The following GRM7 variants were observed in gnomAD, a reference collection of about 807,000 sequenced individuals.
The protein encoded by GRM7 is metabotropic glutamate receptor 7.
In GRM7, 35 loss-of-function variants were observed where a neutral mutation model predicts 84.5. That is an observed-to-expected ratio of 0.41 (90% CI 0.32 to 0.55). The LOEUF (loss-of-function observed/expected upper bound fraction) is 0.55. GRM7 is among the 20% of genes least tolerant of loss of function. The probability of loss-of-function intolerance (pLI) is 0.19; values close to 1 mark genes in which losing one functional copy is unlikely to be tolerated. For missense variants in GRM7, 1,003 were observed against 1,194.6 expected (o/e 0.84, Z 2.36); for synonymous variants, 487 against 455.1 (o/e 1.07, Z -0.89).
chr3:7,639,114 G>A (rs905050248), intron 8 of GRM7, among the ~76,000 whole-genome samples: 6 of 152,050 alleles, frequency 3.9e-5, no homozygotes, highest in Admixed American at 6.6e-5. Context: ...CAGACAACTC[G>A]AAGACAATCC....
At chr3:7,363,935 C>T (rs1417898503) in intron 4 of GRM7, among the ~76,000 whole-genome samples, 2 of 151,874 alleles carry the variant, frequency 1.3e-5, no homozygotes, top group Non-Finnish European at 2.9e-5. Context: ...CATTCTTTGT[C>T]AATTTTTCTG....
At chr3:7,317,344 T>C (rs1354805090) in intron 4 of GRM7, among the ~76,000 whole-genome samples, 1 of 152,094 alleles carries the variant, frequency 6.6e-6, no homozygotes, top group African/African-American at 2.4e-5. Flanking sequence ...CTTCGAAGAA[T>C]AGGCCATTGT....
chr3:7,066,059 G>A (rs776848699), intron 1 of GRM7, among the ~76,000 whole-genome samples: 2 of 151,598 alleles, frequency 1.3e-5, no homozygotes, highest in African/African-American at 2.4e-5. Context: ...AGCCCTAAAC[G>A]TCTACATCAA....
At chr3:7,049,257 C>T (rs899158188) in intron 1 of GRM7, among the ~76,000 whole-genome samples, 7 of 151,886 alleles carry the variant, frequency 4.6e-5, no homozygotes, top group Admixed American at 1.3e-4. Context: ...CCCAAGACTG[C>T]GCAATTTAGA....
chr3:7,422,604 A>G (rs1696442504), intron 5 of GRM7, among the ~76,000 whole-genome samples: 1 of 152,128 alleles, frequency 6.6e-6, no homozygotes, highest in African/African-American at 2.4e-5. Flanking sequence ...ATTTAGATCC[A>G]TTCATATCCT....
At chr3:7,036,222 GATAAAT>G (rs1384515602) in intron 1 of GRM7, among the ~76,000 whole-genome samples, 3 of 152,174 alleles carry the variant, frequency 2.0e-5, no homozygotes, top group Non-Finnish European at 2.9e-5. Context: ...AAGAGAGGCT[GATAAAT>G]GAATCATGGC....
intron 8 of GRM7, among the ~76,000 whole-genome samples, chr3:7,645,958 AG>A (rs1322710832): frequency 6.6e-6 from 1 of 152,202 alleles, no homozygotes; most frequent in African/African-American, 2.4e-5. Flanking sequence ...TGTTTTAATC[AG>A]AAGGACTTTT....
intron 2 of GRM7, among the ~76,000 whole-genome samples, chr3:7,220,167 C>A (rs528350766): frequency 6.6e-6 from 1 of 152,156 alleles, no homozygotes; most frequent in Non-Finnish European, 1.5e-5. Flanking sequence ...GTTACAGCAT[C>A]ATTTCTCAAT....
chr3:7,537,490 C>T (rs764415579), intron 7 of GRM7, among the ~76,000 whole-genome samples: 7 of 152,120 alleles, frequency 4.6e-5, no homozygotes, highest in East Asian at 1.9e-4. Flanking sequence ...GAAAATCTTC[C>T]GAAAATAAAT....
chr3:7,684,366 A>G (rs1700497325), intron 9 of GRM7, among the ~76,000 whole-genome samples: 1 of 152,232 alleles, frequency 6.6e-6, no homozygotes, highest in South Asian at 2.1e-4. Context: ...TCTGAGAGGA[A>G]GTAGAGTTTA....
rs749431212 is a variant in GRM7, at chr3:6,964,417, T to TTACG, written c.519+102511_519+102514dup. ...AGGGCACTAATCCCATTCATGAGGA[T>TTACG]TACGCATTGTGTAAGGACTTAAACA... On this transcript the variant is annotated intron_variant, in intron 1 of 9. Coordinates refer to ENST00000357716, the MANE Select transcript of GRM7 (RefSeq NM_000844.4). Among the ~76,000 whole-genome samples, 9 of 152,294 alleles carry TTACG rather than the reference T, an allele frequency of 5.9e-5. No individual in the cohort carries two copies. The East Asian group carries it at 1.7e-3, about 29-fold the overall frequency.
At chr3:6,899,000 G>T (rs747339453) in intron 1 of GRM7, among the ~76,000 whole-genome samples, 2 of 152,018 alleles carry the variant, frequency 1.3e-5, no homozygotes, top group Non-Finnish European at 2.9e-5. Flanking sequence ...AATGCTCTAG[G>T]TTTCCATATT....
At chr3:7,333,077 A>G (rs1701272046) in intron 4 of GRM7, among the ~76,000 whole-genome samples, 1 of 152,124 alleles carries the variant, frequency 6.6e-6, no homozygotes, top group Non-Finnish European at 1.5e-5. Flanking sequence ...GCAACTCATA[A>G]CAGAACAACC....
chr3:7,113,058 GA>G (rs1278900343), intron 1 of GRM7, among the ~76,000 whole-genome samples: 3 of 151,866 alleles, frequency 2.0e-5, no homozygotes, highest in Non-Finnish European at 2.9e-5. Context: ...GATTCCAAGG[GA>G]AAAAAAGTGA....
intron 2 of GRM7, among the ~76,000 whole-genome samples, chr3:7,207,956 C>T (rs981450310): frequency 3.9e-5 from 6 of 152,106 alleles, no homozygotes; most frequent in Non-Finnish European, 5.9e-5. Context: ...ATGTCGGAGG[C>T]ACAAAGGAGA....
At chr3:7,358,949 C>CCAGATAAAAAATAATTGGGGT (rs1553567662) in intron 4 of GRM7, among the ~76,000 whole-genome samples, 11 of 144,644 alleles carry the variant, frequency 7.6e-5, no homozygotes, top group African/African-American at 7.9e-5. Flanking sequence ...GAAACCCTGT[C>CCAGATAAAAAATAATTGGGGT]TCTACTAAAA....
At chr3:7,267,788 T>G (rs1426792343) in intron 2 of GRM7, among the ~76,000 whole-genome samples, 1 of 152,158 alleles carries the variant, frequency 6.6e-6, no homozygotes, top group Non-Finnish European at 1.5e-5. Flanking sequence ...ATTGTCTGGA[T>G]GCAACAACAT....
intron 4 of GRM7, among the ~76,000 whole-genome samples, chr3:7,364,126 A>G (rs1693780264): frequency 6.6e-6 from 1 of 151,896 alleles, no homozygotes; most frequent in South Asian, 2.1e-4. Flanking sequence ...TACCTTGATT[A>G]TGTTTGTTTT....
intron 1 of GRM7, among the ~76,000 whole-genome samples, chr3:6,942,720 G>A (rs56099621): frequency 2.8e-4 from 42 of 152,168 alleles, no homozygotes; most frequent in Non-Finnish European, 4.4e-4. Context: ...TTGTGTGGGT[G>A]CCTGCTTTTA....
Sources: allele counts gnomAD v4.1 joint callset (sites outside exome capture counted in the v4.1 genomes callset), GRCh38; gene constraint gnomAD v4.1.1; transcripts MANE v1.5; gene names NCBI Gene and HGNC (gene_info 2026-07-23, HGNC 2026-07-21).